ZNF420: variants seen among roughly 807,000 people sequenced by gnomAD.
ZNF420 encodes the protein zinc finger protein 420.
A neutral mutation model predicts 44.7 loss-of-function variants in ZNF420; 31 were observed. The observed-to-expected ratio is 0.69, with a 90% CI of 0.52 to 0.94. The LOEUF is 0.94. Among genes scored for constraint, ZNF420 ranks in the 40% least tolerant of loss-of-function variants. The probability of loss-of-function intolerance (pLI) is 0.00; values close to 1 mark genes in which losing one functional copy is unlikely to be tolerated. For missense variants in ZNF420, 681 were observed against 827.9 expected (o/e 0.82, Z 2.18); for synonymous variants, 245 against 267.4 (o/e 0.92, Z 0.82).
chr19:37,081,930 A>G (rs930791496), intron 2 of ZNF420, among the ~76,000 whole-genome samples: 3 of 152,054 alleles, frequency 2.0e-5, no homozygotes, highest in African/African-American at 4.8e-5. Context: ...CCCCTTTATC[A>G]TTAGGAAATG....
intron 2 of ZNF420, among the ~76,000 whole-genome samples, chr19:37,083,184 A>G (rs1037991490): frequency 8.7e-6 from 1 of 114,614 alleles, no homozygotes; most frequent in African/African-American, 3.3e-5. Context: ...TTTTTTTTTT[A>G]TTTTAGTAAT....
At chr19:37,087,286 A>AT (rs1334064958) in intron 2 of ZNF420, among the ~76,000 whole-genome samples, 69 of 42,412 alleles carry the variant, frequency 1.6e-3, no homozygotes, top group African/African-American at 5.7e-3. Flanking sequence ...CTGTCTCAAA[A>AT]AAAAAAATAA....
At chr19:37,037,038 C>G (rs1967367710) in intron 1 of ZNF420, among the ~76,000 whole-genome samples, 1 of 152,192 alleles carries the variant, frequency 6.6e-6, no homozygotes. Context: ...CCTGTCCTCA[C>G]TTGAGAAGCC....
intron 1 of ZNF420, among the ~76,000 whole-genome samples, chr19:37,035,651 A>C (rs1192149127): frequency 6.6e-6 from 1 of 152,230 alleles, no homozygotes; most frequent in Admixed American, 6.5e-5. Context: ...CTGTTGGGCC[A>C]TGGTCAGGTT....
intron 1 of ZNF420, among the ~76,000 whole-genome samples, chr19:37,033,281 G>A (rs914701964): frequency 1.1e-4 from 16 of 152,068 alleles, no homozygotes; most frequent in African/African-American, 2.4e-4. Context: ...TTGTACAACC[G>A]TCACACTTTC....
intron 2 of ZNF420, among the ~76,000 whole-genome samples, chr19:37,088,105 A>G (rs990747042): frequency 1.3e-5 from 2 of 152,248 alleles, no homozygotes; most frequent in Non-Finnish European, 2.9e-5. Flanking sequence ...CAAAGGCACT[A>G]TATAACTGAA....
chr19:37,091,827 T>A (rs1969165050), intron 4 of ZNF420: 2 of 150,898 alleles, frequency 1.3e-5, no homozygotes, highest in Non-Finnish European at 2.9e-5. Context: ...CTCAGGAGAT[T>A]GAGGGAGGAG....
chr19:37,069,689 T>A (rs984257489), intron 1 of ZNF420, among the ~76,000 whole-genome samples: 4 of 152,084 alleles, frequency 2.6e-5, no homozygotes, highest in Non-Finnish European at 4.4e-5. Flanking sequence ...TTGAAATACG[T>A]TTCTACTGAA....
chr19:37,047,376 T>G (rs1439838810), intron 1 of ZNF420, among the ~76,000 whole-genome samples: 4 of 152,118 alleles, frequency 2.6e-5, no homozygotes, highest in African/African-American at 9.7e-5. Flanking sequence ...ACACAGTGCA[T>G]CCCCTCCTGA....
rs1367367520 is a variant in ZNF420 at position 37,128,841 on chromosome 19, G to T, written c.1850G>T (p.Cys617Phe). 2 of 1,613,824 alleles carry T rather than the reference G, an allele frequency of 1.2e-6. No individual in the cohort carries two copies. The change falls in exon 5 of 5, where the codon TGC (cysteine) becomes TTC (phenylalanine). Residue 617 changes from cysteine (C) to phenylalanine (F), a missense_variant. Cys to Phe is a radical substitution (Grantham distance 205, BLOSUM62 -2). Coordinates refer to ENST00000337995, the MANE Select transcript of ZNF420 (RefSeq NM_144689.5). ...RIHTGEKPYE[C>F]RECRKAFTQS... ...CATACTGGTGAGAAGCCCTATGAATGCAGAGAATGTAGAAAGGCCTTTACT... is the reference window on the plus strand; with the variant it reads ...CATACTGGTGAGAAGCCCTATGAATTCAGAGAATGTAGAAAGGCCTTTACT...
chr19:37,010,390 G>C (rs184572819), intron 1 of ZNF420, among the ~76,000 whole-genome samples: 6 of 152,272 alleles, frequency 3.9e-5, no homozygotes, highest in African/African-American at 7.2e-5. Context: ...CGACATGTCT[G>C]CTTGTGTGCC....
chr19:37,068,673 T>C (rs1968009958), intron 1 of ZNF420, among the ~76,000 whole-genome samples: 1 of 152,042 alleles, frequency 6.6e-6, no homozygotes, highest in East Asian at 1.9e-4. Context: ...AATAAAAATA[T>C]GCCAGTACAT....
intron 1 of ZNF420, among the ~76,000 whole-genome samples, chr19:37,031,005 C>A (rs1028729114): frequency 6.6e-6 from 1 of 152,134 alleles, no homozygotes; most frequent in African/African-American, 2.4e-5. Context: ...TAGGTGCCCC[C>A]CCACCACGCC....
chr19:37,128,232 C>A lies in ZNF420; in HGVS notation c.1241C>A (p.Thr414Asn). 1 of 1,614,040 alleles carries A rather than the reference C, an allele frequency of 6.2e-7. No individual in the cohort carries two copies. Among genetic ancestry groups the A allele is most frequent in the Non-Finnish European group, 8.5e-7 (1 of 1,179,964 alleles). Residue 414 changes from threonine (T) to asparagine (N), a missense_variant, in exon 5 of 5, where the codon ACT becomes AAT. Transcript: ENST00000337995. ...SQLTQHQRIH[T>N]GEKPYQCKEC... ...CTTACTCAACATCAGAGAATACACA[C>A]TGGTGAGAAACCCTATCAATGTAAG...
At chr19:37,060,440 G>A (rs560178718) in intron 1 of ZNF420, among the ~76,000 whole-genome samples, 23 of 152,240 alleles carry the variant, frequency 1.5e-4, no homozygotes, top group African/African-American at 4.8e-4. Context: ...ATCCTGCCTG[G>A]GCTCTGGCCT....
chr19:37,012,806 GTGTGTGTC>G (rs1205849137), intron 1 of ZNF420, among the ~76,000 whole-genome samples: 36 of 139,256 alleles, frequency 2.6e-4, no homozygotes, highest in African/African-American at 9.6e-4. Flanking sequence ...GTGTGTGTGT[GTGTGTGTC>G]TCCCATTCTC....
chr19:37,023,280 C>T (rs1030341841), intron 1 of ZNF420, among the ~76,000 whole-genome samples: 8 of 152,212 alleles, frequency 5.3e-5, no homozygotes, highest in African/African-American at 1.9e-4. Context: ...CAATGCAATG[C>T]TTTCCTATAT....
chr19:37,114,467 G>C (rs1970550996), intron 4 of ZNF420, among the ~76,000 whole-genome samples: 3 of 152,122 alleles, frequency 2.0e-5, no homozygotes, highest in African/African-American at 7.2e-5. Flanking sequence ...GTTTGTACTT[G>C]TCTAACCTGC....
chr19:37,126,083 A>G (rs894752235), intron 4 of ZNF420, among the ~76,000 whole-genome samples: 1 of 151,860 alleles, frequency 6.6e-6, no homozygotes, highest in Admixed American at 6.6e-5. Context: ...ATATTTTTCA[A>G]TTTTTAGCCA....
Sources: gnomAD v4.1 joint callset for allele counts (sites outside exome capture counted in the v4.1 genomes callset) on GRCh38, gnomAD v4.1.1 for gene constraint, MANE v1.5 for transcripts, NCBI Gene and HGNC (gene_info 2026-07-23, HGNC 2026-07-21) for gene names.